LRRC4C: variants seen among roughly 807,000 people sequenced by gnomAD.
LRRC4C encodes the protein leucine rich repeat containing 4C, also known as leucine-rich repeat-containing protein 4C.
In LRRC4C, 5 loss-of-function variants were observed where a neutral mutation model predicts 33.6. That is an observed-to-expected ratio of 0.15 (90% confidence interval 0.08 to 0.31). The LOEUF (loss-of-function observed/expected upper bound fraction) is 0.31, where lower values mean the gene tolerates loss of function less well. Ranked by LOEUF, LRRC4C falls within the 10% of genes least tolerant of loss-of-function variation. The pLI is 1.00. For synonymous variants in LRRC4C, 329 were observed against 302.0 expected (o/e 1.09, Z -0.93); for missense variants, 560 against 796.7 (o/e 0.70, Z 3.58).
chr11:40,644,946 G>GT (rs10653957), intron 3 of LRRC4C, among the ~76,000 whole-genome samples: 27,411 of 145,528 alleles, frequency 0.19, 2,531 homozygotes, highest in Middle Eastern at 0.24. Flanking sequence ...GGATCTCTGT[G>GT]TTTTTTTTTT....
intron 1 of LRRC4C, among the ~76,000 whole-genome samples, chr11:41,340,840 A>G (rs183035465): frequency 7.9e-5 from 12 of 152,352 alleles, no homozygotes; most frequent in Admixed American, 7.8e-4. Flanking sequence ...CAATATTATT[A>G]GATAGATTTG....
At chr11:40,539,072 C>T (rs1413418277) in intron 3 of LRRC4C, among the ~76,000 whole-genome samples, 3 of 152,094 alleles carry the variant, frequency 2.0e-5, no homozygotes, top group African/African-American at 7.2e-5. Context: ...ATATTTCATC[C>T]TCTGCCCAAC....
intron 1 of LRRC4C, among the ~76,000 whole-genome samples, chr11:41,251,376 G>A (rs1334401988): frequency 1.3e-5 from 2 of 152,130 alleles, no homozygotes; most frequent in African/African-American, 4.8e-5. Context: ...GGATTCGTCT[G>A]TTTCTTTCTC....
At chr11:40,345,531 T>C (rs894147928) in intron 3 of LRRC4C, among the ~76,000 whole-genome samples, 1 of 152,052 alleles carries the variant, frequency 6.6e-6, no homozygotes, top group Non-Finnish European at 1.5e-5. Flanking sequence ...TTCCTTATGC[T>C]ATATACAAAA....
intron 5 of LRRC4C, among the ~76,000 whole-genome samples, chr11:40,210,286 C>G (rs1401754816): frequency 6.7e-6 from 1 of 150,264 alleles, no homozygotes; most frequent in East Asian, 1.9e-4. Context: ...CCAAAAAACA[C>G]CTGCTGGATA....
intron 3 of LRRC4C, among the ~76,000 whole-genome samples, chr11:40,340,730 A>C (rs1946829350): frequency 6.6e-6 from 1 of 152,204 alleles, no homozygotes; most frequent in African/African-American, 2.4e-5. Context: ...ATTATGTAAT[A>C]TAATGATATT....
intron 6 of LRRC4C, among the ~76,000 whole-genome samples, chr11:40,121,717 T>C (rs1231433920): frequency 1.3e-5 from 2 of 152,218 alleles, no homozygotes; most frequent in African/African-American, 4.8e-5. Context: ...GAAGCAAGTA[T>C]ATGTGAAAGA....
chr11:40,946,300 G>T (rs1958396399), intron 1 of LRRC4C, among the ~76,000 whole-genome samples: 1 of 152,134 alleles, frequency 6.6e-6, no homozygotes, highest in South Asian at 2.1e-4. Context: ...GTATTTCTTG[G>T]TATATATGTA....
At chr11:41,031,473 A>C (rs1856724479) in intron 1 of LRRC4C, among the ~76,000 whole-genome samples, 1 of 151,984 alleles carries the variant, frequency 6.6e-6, no homozygotes, top group Admixed American at 6.6e-5. Flanking sequence ...CATTTTAGAG[A>C]TTATAATTTA....
At chr11:40,479,031 T>C (rs1953401585) in intron 3 of LRRC4C, among the ~76,000 whole-genome samples, 1 of 152,162 alleles carries the variant, frequency 6.6e-6, no homozygotes, top group Non-Finnish European at 1.5e-5. Context: ...TCCATATTTG[T>C]TTTTATTAAA....
intron 5 of LRRC4C, among the ~76,000 whole-genome samples, chr11:40,174,879 C>A (rs546782319): frequency 6.6e-6 from 1 of 152,084 alleles, no homozygotes; most frequent in Non-Finnish European, 1.5e-5. Flanking sequence ...GAGGGAACTG[C>A]GGTCACATGC....
chr11:40,599,797 A>C (rs1455451016), intron 3 of LRRC4C, among the ~76,000 whole-genome samples: 1 of 152,230 alleles, frequency 6.6e-6, no homozygotes, highest in Non-Finnish European at 1.5e-5. Context: ...TTATCAAGTT[A>C]GAATGGTAGA....
At chr11:41,020,055 T>G (rs1855852044) in intron 1 of LRRC4C, among the ~76,000 whole-genome samples, 1 of 152,188 alleles carries the variant, frequency 6.6e-6, no homozygotes, top group Admixed American at 6.5e-5. Context: ...TTGTTGCAAC[T>G]GCTTTTGGCA....
intron 1 of LRRC4C, among the ~76,000 whole-genome samples, chr11:41,375,836 A>G (rs1224507230): frequency 6.6e-6 from 1 of 152,078 alleles, no homozygotes; most frequent in Non-Finnish European, 1.5e-5. Flanking sequence ...GCAGAGAATA[A>G]TATAGAAAGT....
intron 2 of LRRC4C, among the ~76,000 whole-genome samples, chr11:40,860,091 A>AAAAT (rs58718030): frequency 0.11 from 15,963 of 144,082 alleles, 1,745 homozygotes; most frequent in African/African-American, 0.28. Flanking sequence ...GTCCCCCCAA[A>AAAAT]AAATAAATAA....
At chr11:40,724,749 C>T (rs1352539960) in intron 2 of LRRC4C, among the ~76,000 whole-genome samples, 1 of 151,850 alleles carries the variant, frequency 6.6e-6, no homozygotes, top group Non-Finnish European at 1.5e-5. Context: ...AAAATGAGAT[C>T]AGATTTAAAT....
chr11:40,540,352 CT>C (rs1956655606), intron 3 of LRRC4C, among the ~76,000 whole-genome samples: 1 of 152,146 alleles, frequency 6.6e-6, no homozygotes, highest in African/African-American at 2.4e-5. Flanking sequence ...TAAAAATAAA[CT>C]GTCAGGTCTG....
chr11:40,855,875 T>C (rs894164687), intron 2 of LRRC4C, among the ~76,000 whole-genome samples: 3 of 151,968 alleles, frequency 2.0e-5, no homozygotes, highest in Non-Finnish European at 4.4e-5. Context: ...AATATTCAGA[T>C]GCAGCATAGT....
chr11:40,165,618 T>A (rs1277342396), intron 5 of LRRC4C, among the ~76,000 whole-genome samples: 1 of 152,218 alleles, frequency 6.6e-6, no homozygotes, highest in Non-Finnish European at 1.5e-5. Context: ...GCTTCAGTTC[T>A]GAGTCTTAAT....
Sources: allele counts gnomAD v4.1 joint callset (sites outside exome capture counted in the v4.1 genomes callset), GRCh38; gene constraint gnomAD v4.1.1; transcripts MANE v1.5; gene names NCBI Gene and HGNC (gene_info 2026-07-23, HGNC 2026-07-21).